The following METRN variants were observed in gnomAD, a reference collection of about 807,000 sequenced individuals.
METRN encodes meteorin.
Under a neutral mutation model 17.4 loss-of-function variants are expected in METRN, and 17 were observed. The observed-to-expected ratio is 0.98, with a 90% confidence interval of 0.67 to 1.46. METRN has a LOEUF of 1.46. Ranked by LOEUF, METRN falls within the 40% of genes most tolerant of loss-of-function variation. The probability of loss-of-function intolerance (pLI) is 0.00; values close to 1 mark genes in which losing one functional copy is unlikely to be tolerated. For synonymous variants in METRN, 230 were observed against 210.8 expected (o/e 1.09, Z -0.79); for missense variants, 489 against 456.2 (o/e 1.07, Z -0.65).
Position 715,950 on chromosome 16 carries a change from G to A in METRN, c.471G>A (p.Glu157=). 6.7e-7 allele frequency: 1 copy of A among 1,499,904 alleles called. No homozygotes were observed. Among genetic ancestry groups the A allele is most frequent in the Non-Finnish European group, 8.8e-7 (1 of 1,131,316 alleles). The allele number at this position is 1,499,904 out of a possible 1,614,324, so 92.9% of individuals were successfully genotyped here. ...AGCTGCGCGAGGACGGGCGCCCCGA[G>A]CTGCCCCCGCAGGCCCACGGTCTCG... ...RFELREDGRP[E]LPPQAHGLGV... Residue 157 remains glutamate (E), a synonymous_variant, in exon 2 of 4, where the codon GAG becomes GAA. Transcript: ENST00000568223.
chr16:716,905 TCTC>T, intron 2 of METRN, 25 bp from the exon 3 acceptor site: 3 of 1,537,948 alleles, frequency 2.0e-6, no homozygotes, highest in Non-Finnish European at 1.8e-6. Context: ...GGGCAGGGCC[TCTC>T]CTCACCACCC....
At position 716,948 on chromosome 16, in the gene METRN, G is replaced by A. The variant is rs148120160; in HGVS notation, c.521G>A (p.Cys174Tyr). 6.4e-6 allele frequency: 10 copies of A among 1,571,160 alleles called. No individual in the cohort carries two copies. The African/African-American group carries it at 1.4e-4, about 21-fold the overall frequency. ...GLGVDGACRPCSDAELLLAAC... is the reference protein window; with the variant it reads ...GLGVDGACRPYSDAELLLAAC... ...TGCATGCCAGGTGCCTGCAGGCCCT[G>A]CAGCGACGCTGAGCTGCTCCTGGCC... Residue 174 changes from cysteine (C) to tyrosine (Y), a missense_variant, in exon 3 of 4, where the codon TGC becomes TAC. Transcript: ENST00000568223.
chr16:715,965 C>G lies in METRN; in HGVS notation c.486C>G (p.Ala162=), dbSNP rs920680215. The change falls in exon 2 of 4, where the codon GCC becomes GCG. Residue 162 remains alanine (A), a synonymous_variant. Coordinates refer to ENST00000568223, the MANE Select transcript of METRN (RefSeq NM_024042.4). ...GGCGCCCCGAGCTGCCCCCGCAGGC[C>G]CACGGTCTCGGCGTAGACGGTGAGT... ...EDGRPELPPQ[A]HGLGVDGACR... is the part of the protein sequence containing the mutation. The G allele has an allele frequency of 6.7e-7, 1 of 1,498,114 alleles. No homozygotes were observed. The highest frequency in any genetic ancestry group is 1.4e-5 in the African/African-American group (1 of 69,142). The allele number at this position is 1,498,114 out of a possible 1,614,324, so 92.8% of individuals were successfully genotyped here. A position where few individuals can be genotyped will look rare whatever the true frequency, so the allele number is the denominator to read the frequency against.
In METRN at chr16:717,557, T is replaced by C; in HGVS notation, c.*170T>C. The C allele has an allele frequency of 5.6e-6, 3 of 540,140 alleles. No individual in the cohort carries two copies. The highest frequency in any genetic ancestry group is 8.8e-6 in the Non-Finnish European group (3 of 342,512). 33.5% of individuals were successfully genotyped at this position (540,140 alleles called of 1,614,324 possible). The stretch of plus-strand genomic sequence containing the variant: ...CAGCTGTGAGGATGGCTCCAATTCC[T>C]GCCTCCTGGCGGGAGACTGAGGCTC... On this transcript the variant is annotated 3_prime_UTR_variant, in exon 4 of 4. Transcript: ENST00000568223.
In METRN at chr16:716,014, G is replaced by A. The variant is rs556309984; in HGVS notation, c.505+30G>A. 6.3e-6 allele frequency: 9 copies of A among 1,437,554 alleles called. No individual in the cohort carries two copies. In the African/African-American group the frequency reaches 1.3e-4, roughly 21 times the overall value. 89.0% of individuals were successfully genotyped at this position (1,437,554 alleles called of 1,614,324 possible). On this transcript the variant is annotated intron_variant, in intron 2 of 3. Transcript: ENST00000568223. ...GTGGCGGTCTGGTTGGGACAGGGTG[G>A]GAGTCCCGAAGTCTTACCCTGCCTG... is the stretch of plus-strand genomic sequence containing the variant.
chr16:716,524 C>T (rs1169673579), intron 2 of METRN: 2 of 1,519,660 alleles, frequency 1.3e-6, no homozygotes, highest in African/African-American at 2.8e-5. Flanking sequence ...GACCCCAGAC[C>T]ACCCTTCCTC....
At chr16:716,216 G>A (rs1479898017) in intron 2 of METRN, 4 of 985,360 alleles carry the variant, frequency 4.1e-6, no homozygotes, top group African/African-American at 1.7e-5. Flanking sequence ...GAGGGAAGGG[G>A]AGGCCGGGCC....
Position 715,371 on chromosome 16 carries a change from G to A in METRN, c.82G>A (p.Glu28Lys). The A allele has an allele frequency of 7.5e-7, 1 of 1,335,436 alleles. No individual in the cohort carries two copies. The highest frequency in any genetic ancestry group is 9.6e-7 in the Non-Finnish European group (1 of 1,044,692). The allele number at this position is 1,335,436 out of a possible 1,614,324, so 82.7% of individuals were successfully genotyped here. ...GGCTGCCCGCGCCGGCTACTCCGAGGAGCGCTGCAGCTGGAGGGGCAGGTA... is the reference window on the plus strand; with the variant it reads ...GGCTGCCCGCGCCGGCTACTCCGAGAAGCGCTGCAGCTGGAGGGGCAGGTA... The part of the protein sequence containing the change: ...APAARAGYSE[E>K]RCSWRGSGLT... Residue 28 changes from glutamate to lysine, a missense_variant, in exon 1 of 4, where the codon GAG becomes AAG. Glu to Lys is a moderately conservative substitution (Grantham distance 56, BLOSUM62 1). Transcript: ENST00000568223.
chr16:715,610 TG>T lies in METRN; in HGVS notation c.135del (p.Gln46SerfsTer22), dbSNP rs1206262479. ...GGCCTCACCCAGGAGCCCGGCAGCG[TG>T]GGGCAGCTGGCCCTGGCCTGTGCGG... ...GSGLTQEPGSVGQLALACAEG... is the reference protein window; with the variant it reads ...GSGLTQEPGSXGQLALACAEG... On this transcript the variant is annotated frameshift_variant, in exon 2 of 4. Transcript: ENST00000568223. LOFTEE classifies it high-confidence loss of function. 1 of 1,402,980 alleles carries T rather than the reference TG, an allele frequency of 7.1e-7. No individual in the cohort carries two copies. Among genetic ancestry groups the T allele is most frequent in the Non-Finnish European group, 9.2e-7 (1 of 1,083,980 alleles). The allele number at this position is 1,402,980 out of a possible 1,614,324, so 86.9% of individuals were successfully genotyped here.
chr16:715,288 C>A lies in METRN; in HGVS notation c.-2C>A. ...GACTCCCCGGACGCCGCCCGCCGTG[C>A]CATGGGGTTCCCGGCCGCGGCGCTG... On this transcript the variant is annotated 5_prime_UTR_variant, in exon 1 of 4. Coordinates refer to ENST00000568223, the MANE Select transcript of METRN (RefSeq NM_024042.4). 7.5e-7 allele frequency: 1 copy of A among 1,324,918 alleles called. No individual in the cohort carries two copies. Among genetic ancestry groups the A allele is most frequent in the Non-Finnish European group, 9.7e-7 (1 of 1,034,748 alleles). The allele number at this position is 1,324,918 out of a possible 1,614,324, so 82.1% of individuals were successfully genotyped here.
At position 715,195 on chromosome 16, in the gene METRN, G is replaced by A. The variant is rs1447282175; in HGVS notation, c.-95G>A. On this transcript the variant is annotated 5_prime_UTR_variant, in exon 1 of 4. Transcript: ENST00000568223. The stretch of plus-strand genomic sequence containing the variant: ...GGGGCTTCGCCGGGGCCGGGCGGCC[G>A]GCGCCCCCGGCTGCTCCCGCCGCCG... 4 of 454,454 alleles carry A rather than the reference G, an allele frequency of 8.8e-6. No individual in the cohort carries two copies. The highest frequency in any genetic ancestry group is 6.5e-5 in the Admixed American group (1 of 15,300). 28.2% of individuals were successfully genotyped at this position (454,454 alleles called of 1,614,324 possible).
At chr16:716,893 G>A in intron 2 of METRN, 40 bp from the exon 3 acceptor site, 2 of 1,533,166 alleles carry the variant, frequency 1.3e-6, no homozygotes, top group South Asian at 1.3e-5. Flanking sequence ...GATGCCGGGA[G>A]AGGGCAGGGC....
At chr16:716,313 G>C in intron 2 of METRN, 2 of 1,390,442 alleles carry the variant, frequency 1.4e-6, no homozygotes, top group South Asian at 1.7e-5. Context: ...GCTGTCCGGG[G>C]CTCCCTGGCC....
chr16:716,426 C>T (rs1326392348), intron 2 of METRN: 2 of 1,434,070 alleles, frequency 1.4e-6, no homozygotes, highest in Admixed American at 5.7e-5. Flanking sequence ...GGCACCAGGC[C>T]CAGCTCTTGC....
Position 717,712 on chromosome 16 carries a change from A to T in METRN, c.*325A>T. ...GGCACGTGGGGACCTGCACTCATGC[A>T]AGCTTCTGCTCTGCTGCACCCACCA... On this transcript the variant is annotated 3_prime_UTR_variant, in exon 4 of 4. Transcript: ENST00000568223. 3.3e-6 allele frequency: 1 copy of T among 301,852 alleles called. No homozygotes were observed. The highest frequency in any genetic ancestry group is 6.1e-6 in the Non-Finnish European group (1 of 164,022). 18.7% of individuals were successfully genotyped at this position (301,852 alleles called of 1,614,324 possible). A position where few individuals can be genotyped will look rare whatever the true frequency, so the allele number is the denominator to read the frequency against.
rs2040181965 is a variant in METRN, at chr16:718,757, TC to T, written c.*1372del. 1 of 152,418 alleles carries T rather than the reference TC, an allele frequency of 6.6e-6. No individual in the cohort carries two copies. The highest frequency in any genetic ancestry group is 2.4e-5 in the African/African-American group (1 of 41,434). The allele number at this position is 152,418 out of a possible 1,614,324, so 9.4% of individuals were successfully genotyped here. ...TGGGGGTTCTCCCACCTTCTGCCCCTCCTCAGGTTCCTTGCTGCTTCTCTCC... is the reference window on the plus strand; with the variant it reads ...TGGGGGTTCTCCCACCTTCTGCCCCTCTCAGGTTCCTTGCTGCTTCTCTCC... On this transcript the variant is annotated 3_prime_UTR_variant, in exon 4 of 4. Transcript: ENST00000568223.
rs2151527845 is a variant in METRN at position 717,596 on chromosome 16, C to T, written c.*209C>T. 4.3e-6 allele frequency: 2 copies of T among 461,722 alleles called. No homozygotes were observed. Among genetic ancestry groups the T allele is most frequent in the East Asian group, 7.0e-5 (2 of 28,622 alleles). The allele number at this position is 461,722 out of a possible 1,614,324, so 28.6% of individuals were successfully genotyped here. A position where few individuals can be genotyped will look rare whatever the true frequency, so the allele number is the denominator to read the frequency against. ...AGACTGAGGCTCAGGGGAATGGTAT[C>T]TTGTTCAAGACCATTTGGCAACTGA... On this transcript the variant is annotated 3_prime_UTR_variant, in exon 4 of 4. Transcript: ENST00000568223.
At chr16:715,563 C>A in intron 1 of METRN, 21 bp from the exon 2 acceptor site, 1 of 1,304,236 alleles carries the variant, frequency 7.7e-7, no homozygotes, top group South Asian at 2.1e-5. Context: ...GTCTCAGCGC[C>A]CCGTCCCGTC....
chr16:716,164 CT>C (rs1022533059), intron 2 of METRN, 180 bp downstream of exon 2: 1 of 985,232 alleles, frequency 1.0e-6, no homozygotes, highest in African/African-American at 1.7e-5. Context: ...CCCGCCCTCC[CT>C]TCCCGATTCA....
Sources: allele counts gnomAD v4.1 joint callset, GRCh38; gene constraint gnomAD v4.1.1; transcripts MANE v1.5; gene names NCBI Gene and HGNC (gene_info 2026-07-23, HGNC 2026-07-21).